The following USP9X variants were observed in gnomAD, a reference collection of about 807,000 sequenced individuals.
USP9X encodes the protein ubiquitin carboxyl-terminal hydrolase 9X.
USP9X carries 7 observed loss-of-function variants against 190.3 expected under a neutral mutation model. The ratio of observed to expected loss-of-function variants is 0.04; its 90% CI spans 0.02 to 0.07. The LOEUF (loss-of-function observed/expected upper bound fraction) is 0.07. Ranked by LOEUF, USP9X falls within the 10% of genes least tolerant of loss-of-function variation. The pLI is 1.00. For missense variants in USP9X, 1,010 were observed against 1,916.9 expected, an observed-to-expected ratio of 0.53 and a Z score of 8.83; for synonymous variants, 645 against 659.5, an observed-to-expected ratio of 0.98 and a Z score of 0.34.
At chrX:41,095,972 G>A (rs1332311102) in intron 1 of USP9X, among the ~76,000 whole-genome samples, 1 of 111,841 alleles carries the variant, frequency 8.9e-6, no homozygotes, top group African/African-American at 3.3e-5. Context: ...TTTGAGTTTG[G>A]CTTTTCTGCC....
At chrX:41,141,933 C>T (rs2062426321) in intron 9 of USP9X, among the ~76,000 whole-genome samples, 1 of 111,575 alleles carries the variant, frequency 9.0e-6, no homozygotes, top group African/African-American at 3.3e-5. Context: ...ACTTTATGTA[C>T]CATAGCTATT....
intron 1 of USP9X, among the ~76,000 whole-genome samples, chrX:41,121,416 G>T (rs1221593316): frequency 1.8e-5 from 2 of 111,679 alleles, no homozygotes; most frequent in Admixed American, 9.5e-5. Context: ...CATAGACTGG[G>T]TATGAGAATC....
intron 14 of USP9X, among the ~76,000 whole-genome samples, chrX:41,160,424 T>G (rs934434948): frequency 1.8e-5 from 2 of 110,675 alleles, no homozygotes; most frequent in Non-Finnish European, 3.8e-5. Context: ...TTCTTGACTT[T>G]TATTGATTAG....
chrX:41,168,330 C>T, intron 18 of USP9X, 112 bp downstream of exon 18: 1 of 645,425 alleles, frequency 1.5e-6, no homozygotes, highest in Non-Finnish European at 2.2e-6. Context: ...TTGTCTTTGC[C>T]CATTAAAAAC....
At chrX:41,197,331 T>TGCCCCCCCCCCCCCCC in intron 28 of USP9X, 33 bp from the exon 29 acceptor site, 10 of 486,750 alleles carry the variant, frequency 2.1e-5, no homozygotes, top group African/African-American at 2.9e-5. Context: ...TTTGATTTCT[T>TGCCCCCCCCCCCCCCC]CCCCCCCCCA....
At chrX:41,229,834 C>A in intron 43 of USP9X, 55 bp downstream of exon 43, 2 of 1,204,141 alleles carry the variant, frequency 1.7e-6, no homozygotes, top group South Asian at 3.6e-5. Context: ...CAAAGTAATT[C>A]TTTATTTTAT....
chrX:41,192,274 A>T (rs1366380932), intron 26 of USP9X, among the ~76,000 whole-genome samples: 1 of 112,419 alleles, frequency 8.9e-6, no homozygotes. Flanking sequence ...TTCAACTTAA[A>T]TGCCACATAT....
At chrX:41,194,542 G>A (rs1002996815) in intron 26 of USP9X, among the ~76,000 whole-genome samples, 2 of 110,867 alleles carry the variant, frequency 1.8e-5, no homozygotes, top group Non-Finnish European at 3.8e-5. Context: ...CAACAAGAGC[G>A]AAACTCTGTG....
chrX:41,224,481 A>C (rs193122747), intron 39 of USP9X, among the ~76,000 whole-genome samples: 6 of 109,461 alleles, frequency 5.5e-5, no homozygotes, highest in African/African-American at 2.0e-4. Context: ...CAAAAATACA[A>C]AAAAATTAGC....
chrX:41,141,162 G>A lies in USP9X; in HGVS notation c.967G>A (p.Gly323Arg). The A allele has an allele frequency of 8.3e-7, 1 of 1,198,494 alleles. No homozygotes were observed. The highest frequency in any genetic ancestry group is 1.1e-6 in the Non-Finnish European group (1 of 889,272). ...SLKNLASRVPGQEETVKNLEI... is the reference protein window; with the variant it reads ...SLKNLASRVPRQEETVKNLEI... ...GAAGAATTTAGCTTCAAGGGTTCCA[G>A]GACAAGAAGAAACTGTTAAAAACTT... The change falls in exon 8 of 45, where the codon GGA becomes AGA. Residue 323 changes from glycine to arginine, a missense_variant. Physicochemically the swap from Gly to Arg is moderately radical, Grantham distance 125. Transcript: ENST00000378308.
chrX:41,126,981 G>A (rs1010804419), intron 2 of USP9X, among the ~76,000 whole-genome samples: 9 of 111,060 alleles, frequency 8.1e-5, no homozygotes, highest in Admixed American at 3.9e-4. Context: ...AACAGCCTTG[G>A]CAGAGACACC....
chrX:41,144,633 G>A lies in USP9X; in HGVS notation c.1419+7G>A. The stretch of plus-strand genomic sequence containing the variant: ...TCTTTTTGATTGTTTTAAGGTAATT[G>A]TTAACATAGCAAAATATTACCATTC... On this transcript the variant is annotated splice_region_variant and intron_variant, in intron 11 of 44. Coordinates refer to ENST00000378308, the MANE Select transcript of USP9X (RefSeq NM_001039591.3). 8.8e-7 allele frequency: 1 copy of A among 1,140,086 alleles called. No homozygotes were observed. The highest frequency in any genetic ancestry group is 1.2e-6 in the Non-Finnish European group (1 of 832,626). The allele number at this position is 1,140,086 out of a possible 1,213,427, so 94.0% of individuals were successfully genotyped here. A position where few individuals can be genotyped will look rare whatever the true frequency, so the allele number is the denominator to read the frequency against.
intron 36 of USP9X, among the ~76,000 whole-genome samples, 179 bp from the exon 37 acceptor site, chrX:41,218,193 G>C: frequency 9.0e-6 from 1 of 111,217 alleles, no homozygotes; most frequent in Non-Finnish European, 1.9e-5. Flanking sequence ...AACTCTGAGA[G>C]AATAGACCAA....
At chrX:41,120,345 T>C (rs2062180573) in intron 1 of USP9X, among the ~76,000 whole-genome samples, 1 of 112,445 alleles carries the variant, frequency 8.9e-6, no homozygotes, top group South Asian at 3.7e-4. Context: ...ATTACGGTGC[T>C]ACAAACAGTG....
intron 41 of USP9X, 29 bp downstream of exon 41, chrX:41,225,166 A>C: frequency 8.5e-7 from 1 of 1,181,303 alleles, no homozygotes; most frequent in South Asian, 1.8e-5. Context: ...ACTGGAAACA[A>C]TTAGGCTTGC....
intron 37 of USP9X, 50 bp from the exon 38 acceptor site, chrX:41,219,052 T>TATAC (rs1183617399): frequency 8.6e-7 from 1 of 1,158,106 alleles, no homozygotes; most frequent in Non-Finnish European, 1.2e-6. Context: ...CAAGTAGAAG[T>TATAC]ATACATATAC....
intron 43 of USP9X, among the ~76,000 whole-genome samples, chrX:41,230,131 G>A (rs1006998799): frequency 5.4e-5 from 6 of 111,620 alleles, no homozygotes; most frequent in African/African-American, 2.0e-4. Flanking sequence ...AACCCAGGAG[G>A]CACAGATTGC....
chrX:41,126,854 G>A (rs1203278124), intron 2 of USP9X, among the ~76,000 whole-genome samples: 1 of 110,993 alleles, frequency 9.0e-6, no homozygotes, highest in African/African-American at 3.3e-5. Context: ...TTTATGTGCT[G>A]GCATAAAGGG....
intron 3 of USP9X, among the ~76,000 whole-genome samples, chrX:41,131,036 C>G (rs1395207809): frequency 9.3e-6 from 1 of 108,100 alleles, no homozygotes; most frequent in Non-Finnish European, 1.9e-5. Flanking sequence ...AACCCTGTCT[C>G]TTACCAAAAA....
Sources: gnomAD v4.1 joint callset for allele counts (sites outside exome capture counted in the v4.1 genomes callset) on GRCh38, gnomAD v4.1.1 for gene constraint, MANE v1.5 for transcripts, NCBI Gene and HGNC (gene_info 2026-07-23, HGNC 2026-07-21) for gene names.